Variants in THOC5 observed in about 807,000 individuals in gnomAD.
THOC5 encodes the protein THO complex subunit 5.
In THOC5, 43 loss-of-function variants were observed where a neutral mutation model predicts 92.9. The observed-to-expected ratio is 0.46, with a 90% confidence interval of 0.36 to 0.60. The LOEUF (loss-of-function observed/expected upper bound fraction) is 0.60. Among genes scored for constraint, THOC5 ranks in the 20% least tolerant of loss-of-function variants. The probability of loss-of-function intolerance (pLI) is 0.00; values close to 1 mark genes in which losing one functional copy is unlikely to be tolerated. For synonymous variants in THOC5, 296 were observed against 320.1 expected (o/e 0.92, Z 0.80); for missense variants, 659 against 849.4 (o/e 0.78, Z 2.79).
chr22:29,539,403 C>A lies in THOC5; in HGVS notation c.526G>T (p.Ala176Ser). 1.2e-6 allele frequency: 2 copies of A among 1,614,126 alleles called. No homozygotes were observed. The highest frequency in any genetic ancestry group is 1.3e-5 in the African/African-American group (1 of 75,050). ...TGAGGGTCTCCCATGGTGACTTCGG[C>A]CTTGCTGATATCTGGTGGAGCCTCC... ...YKEAPPDISKAEVTMGDPHQQ... is the reference protein window; with the variant it reads ...YKEAPPDISKSEVTMGDPHQQ... Residue 176 changes from alanine (A) to serine (S), a missense_variant, in exon 6 of 20, where the codon GCC becomes TCC. Transcript: ENST00000490103.
rs556384564 is a variant in THOC5, at chr22:29,512,631, G to A, written c.1682-495C>T. Among the ~76,000 whole-genome samples the A allele has an allele frequency of 2.1e-3, 317 of 152,216 alleles. 2 individuals carry two copies. The highest frequency in any genetic ancestry group is 3.2e-3 in the Non-Finnish European group (219 of 68,006). On this transcript the variant is annotated intron_variant, in intron 17 of 19. Coordinates refer to ENST00000490103, the MANE Select transcript of THOC5 (RefSeq NM_003678.5). Reference sequence around the variant, plus strand: ...AGCCAACATGTAGAGAGTCCTTACTGTATCCCAGGCACTGTGCTAAACCCT... The same window carrying A: ...AGCCAACATGTAGAGAGTCCTTACTATATCCCAGGCACTGTGCTAAACCCT...
At chr22:29,513,938 T>C (rs1443527276) in intron 17 of THOC5, 1 of 149,550 alleles carries the variant, frequency 6.7e-6, no homozygotes, top group Non-Finnish European at 1.5e-5. Flanking sequence ...TCTGGATTTA[T>C]CTCTGTTCAT....
intron 6 of THOC5, among the ~76,000 whole-genome samples, chr22:29,537,602 C>T (rs570514370): frequency 6.6e-6 from 1 of 151,928 alleles, no homozygotes; most frequent in Non-Finnish European, 1.5e-5. Context: ...ATTAAAAATA[C>T]AAAAATTGGC....
rs928273196 is a variant in THOC5, at chr22:29,520,032, G to A, written c.1350C>T (p.Leu450=). The change falls in exon 14 of 20, where the codon CTC becomes CTT. Residue 450 remains leucine (L), a synonymous_variant. Coordinates refer to ENST00000490103, the MANE Select transcript of THOC5 (RefSeq NM_003678.5). ...CCTGGGGCTGCTCTTTGGGGAAGTG[G>A]AGGCCACCCAGCTTCTGCACCCACA... ...PYLWVQKLGG[L]HFPKEQPQQT... is the part of the protein sequence containing the mutation. The A allele has an allele frequency of 1.2e-6, 2 of 1,613,814 alleles. No individual in the cohort carries two copies. The highest frequency in any genetic ancestry group is 1.3e-5 in the African/African-American group (1 of 75,006).
At chr22:29,515,338 G>A (rs773813199) in intron 17 of THOC5, among the ~76,000 whole-genome samples, 3 of 152,112 alleles carry the variant, frequency 2.0e-5, no homozygotes, top group Non-Finnish European at 2.9e-5. Flanking sequence ...CACTGCGCCC[G>A]GCTGTATATT....
chr22:29,543,347 CAAAAAAA>C lies in THOC5; in HGVS notation c.354+75_354+81del, dbSNP rs59948387. 2,210 of 465,690 alleles carry C rather than the reference CAAAAAAA, an allele frequency of 4.7e-3. 6 individuals are homozygous for C. The highest frequency in any genetic ancestry group is 0.031 in the Middle Eastern group (62 of 2,022). 28.8% of individuals were successfully genotyped at this position (465,690 alleles called of 1,614,324 possible). ...TGGGGGACAGAACGAGACTCTGTCTCAAAAAAAAAAAAAAAAAAAAAAAAAGAAGGGG... is the reference window on the plus strand; with the variant it reads ...TGGGGGACAGAACGAGACTCTGTCTCAAAAAAAAAAAAAAAAAAGAAGGGG... On this transcript the variant is annotated intron_variant, in intron 4 of 19. Coordinates refer to ENST00000490103, the MANE Select transcript of THOC5 (RefSeq NM_003678.5).
Position 29,550,128 on chromosome 22 carries a change from G to A in THOC5, c.-11-970C>T, listed in dbSNP as rs78724550. Among the ~76,000 whole-genome samples the A allele has an allele frequency of 6.6e-3, 1,002 of 152,166 alleles. 9 individuals are homozygous for A. Among genetic ancestry groups the A allele is most frequent in the African/African-American group, 0.023 (954 of 41,524 alleles). ...CTGTGATCACTGTGTGCTGGGCCTT[G>A]ATCTAACTACTTTATGGGTATGTTC... is the stretch of plus-strand genomic sequence containing the variant. On this transcript the variant is annotated intron_variant, in intron 1 of 19. Transcript: ENST00000490103.
rs750941216 is a variant in THOC5, at chr22:29,544,423, C to T, written c.240+37G>A. The T allele has an allele frequency of 2.9e-5, 47 of 1,602,076 alleles. 1 individual carries two copies. In the Admixed American group the frequency reaches 4.7e-4, roughly 16 times the overall value. On this transcript the variant is annotated intron_variant, in intron 3 of 19. Coordinates refer to ENST00000490103, the MANE Select transcript of THOC5 (RefSeq NM_003678.5). Reference sequence around the variant, plus strand: ...GCAAAAACAGCCTCATCTATGTAAACCCACCAGGTTCACGGCCACCTGGTC... The same window carrying T: ...GCAAAAACAGCCTCATCTATGTAAATCCACCAGGTTCACGGCCACCTGGTC...
chr22:29,544,178 C>T (rs1048277824), intron 3 of THOC5, among the ~76,000 whole-genome samples: 4 of 152,194 alleles, frequency 2.6e-5, no homozygotes, highest in Non-Finnish European at 5.9e-5. Flanking sequence ...CATCATTTCT[C>T]AACACCTAGC....
chr22:29,544,322 T>G (rs544314473), intron 3 of THOC5, 138 bp downstream of exon 3: 32 of 791,352 alleles, frequency 4.0e-5, no homozygotes, highest in Admixed American at 6.2e-5. Flanking sequence ...ATTCACAGGT[T>G]TTGGGAGCCC....
intron 8 of THOC5, 167 bp downstream of exon 8, chr22:29,531,664 G>A: frequency 7.1e-7 from 1 of 1,408,778 alleles, no homozygotes; most frequent in Non-Finnish European, 9.2e-7. Flanking sequence ...TAGGCCAGCT[G>A]GTCAGAGCAG....
At chr22:29,531,572 C>A in intron 8 of THOC5, 1 of 1,197,146 alleles carries the variant, frequency 8.4e-7, no homozygotes, top group Non-Finnish European at 1.0e-6. Flanking sequence ...TGCCTGGGTT[C>A]TGCACCCAAG....
chr22:29,526,430 G>A (rs2146489922), intron 11 of THOC5, among the ~76,000 whole-genome samples: 1 of 152,134 alleles, frequency 6.6e-6, no homozygotes, highest in South Asian at 2.1e-4. Flanking sequence ...TACTTGGGAG[G>A]CTGAGGCAGG....
At chr22:29,516,968 G>T in intron 17 of THOC5, 61 bp downstream of exon 17, 1 of 1,538,602 alleles carries the variant, frequency 6.5e-7, no homozygotes, top group Non-Finnish European at 9.0e-7. Flanking sequence ...CAGCCCCGGA[G>T]AGTGTTTGAT....
chr22:29,519,019 C>T lies in THOC5; in HGVS notation c.1476G>A (p.Gln492=). The change falls in exon 15 of 20, where the codon CAG becomes CAA. Residue 492 remains glutamine (Q), a synonymous_variant. Transcript: ENST00000490103. ...RVQSRLALHK[Q]FASLEHGIVP... ...TCATCAGCTTACCTAGGGATGCAAA[C>T]TGTTTGTGGAGGGCCAGGCGGGACT... 1.2e-6 allele frequency: 2 copies of T among 1,604,162 alleles called. No homozygotes were observed. The highest frequency in any genetic ancestry group is 1.3e-5 in the African/African-American group (1 of 74,822).
At position 29,506,393 on chromosome 22, in the gene THOC5, C is replaced by A. The variant is rs5763288; in HGVS notation, c.*2064G>T. 0.059 allele frequency: 8,960 copies of A among 152,210 alleles called. 578 individuals are homozygous for A. The highest frequency in any genetic ancestry group is 0.15 in the African/African-American group (6,171 of 41,500). The allele number at this position is 152,210 out of a possible 1,614,324, so 9.4% of individuals were successfully genotyped here. A position where few individuals can be genotyped will look rare whatever the true frequency, so the allele number is the denominator to read the frequency against. ...CATTACCTTAAAGACTCTACTCAGG[C>A]CGGGTGTGGTGGCTCATGCCTATAA... is the stretch of plus-strand genomic sequence containing the variant. On this transcript the variant is annotated 3_prime_UTR_variant, in exon 20 of 20. Transcript: ENST00000490103.
At position 29,531,913 on chromosome 22, in the gene THOC5, G is replaced by T; in HGVS notation, c.765C>A (p.His255Gln). 6.2e-7 allele frequency: 1 copy of T among 1,614,196 alleles called. No individual in the cohort carries two copies. Among genetic ancestry groups the T allele is most frequent in the Non-Finnish European group, 8.5e-7 (1 of 1,180,040 alleles). ...GGTGTCTGGCTGTCTCATACTGCTT[G>T]TGAGCCTGGTCGAATGGCATAAACA... ...EYLFMPFDQA[H>Q]KQYETARHLP... Residue 255 changes from histidine (H) to glutamine (Q), a missense_variant, in exon 8 of 20, where the codon CAC becomes CAA. His to Gln is a conservative substitution (Grantham distance 24). Transcript: ENST00000490103.
chr22:29,548,524 C>T (rs1024607622), intron 2 of THOC5, among the ~76,000 whole-genome samples: 32 of 152,146 alleles, frequency 2.1e-4, no homozygotes, highest in Admixed American at 7.2e-4. Flanking sequence ...CACTGTACTC[C>T]GACGTGAGCG....
chr22:29,549,032 G>T lies in THOC5; in HGVS notation c.96+20C>A, dbSNP rs368736041. On this transcript the variant is annotated intron_variant, in intron 2 of 19. Coordinates refer to ENST00000490103, the MANE Select transcript of THOC5 (RefSeq NM_003678.5). ...TGAGATGTAATTTCTCAGCAGCATG[G>T]CAACCCTGACTGATCTCACCTGCTC... The T allele has an allele frequency of 1.1e-5, 18 of 1,612,130 alleles. No homozygotes were observed. The highest frequency in any genetic ancestry group is 1.4e-5 in the Non-Finnish European group (17 of 1,178,748).
Sources: gnomAD v4.1 joint callset for allele counts (sites outside exome capture counted in the v4.1 genomes callset) on GRCh38, gnomAD v4.1.1 for gene constraint, MANE v1.5 for transcripts, NCBI Gene and HGNC (gene_info 2026-07-23, HGNC 2026-07-21) for gene names.